PSTPIP1: variants seen among roughly 807,000 people sequenced by gnomAD.
The protein encoded by PSTPIP1 is proline-serine-threonine phosphatase-interacting protein 1.
A neutral mutation model predicts 69.6 loss-of-function variants in PSTPIP1; 66 were observed. That is an observed-to-expected ratio of 0.95 (90% CI 0.78 to 1.16). The LOEUF (loss-of-function observed/expected upper bound fraction) is 1.16. Ranked by LOEUF, PSTPIP1 falls within the 50% of genes most tolerant of loss-of-function variation. The pLI is 0.00. For synonymous variants in PSTPIP1, 266 were observed against 222.7 expected, an observed-to-expected ratio of 1.19 and a Z score of -1.73; for missense variants, 603 against 557.4, an observed-to-expected ratio of 1.08 and a Z score of -0.82.
At chr15:77,031,095 C>G in intron 9 of PSTPIP1, 85 bp from the exon 10 acceptor site, 4 of 1,346,630 alleles carry the variant, frequency 3.0e-6, no homozygotes, top group Non-Finnish European at 4.2e-6. Context: ...GCCTGGTCAG[C>G]TCCGGCTGAG....
intron 11 of PSTPIP1, 62 bp downstream of exon 11, chr15:77,032,456 C>T: frequency 6.4e-7 from 1 of 1,553,748 alleles, no homozygotes; most frequent in Non-Finnish European, 8.8e-7. Flanking sequence ...GAAGGCCCGG[C>T]CCTGAGCCTC....
At chr15:77,002,789 A>G (rs895363804) in intron 1 of PSTPIP1, among the ~76,000 whole-genome samples, 3 of 152,200 alleles carry the variant, frequency 2.0e-5, no homozygotes, top group Admixed American at 6.5e-5. Context: ...CTGCTTCTTG[A>G]TGACCCACTT....
chr15:77,014,331 G>C (rs1463469872), intron 1 of PSTPIP1, among the ~76,000 whole-genome samples: 2 of 152,126 alleles, frequency 1.3e-5, no homozygotes, highest in Non-Finnish European at 2.9e-5. Flanking sequence ...TCACCTCTAG[G>C]CGGTGAGAAC....
chr15:77,033,326 G>C (rs1380057017), intron 12 of PSTPIP1, among the ~76,000 whole-genome samples: 2 of 152,210 alleles, frequency 1.3e-5, no homozygotes, highest in East Asian at 1.9e-4. Context: ...GAATTCTCCA[G>C]GCTTTTCCAG....
At chr15:77,028,097 C>A (rs895046255) in intron 6 of PSTPIP1, among the ~76,000 whole-genome samples, 183 bp downstream of exon 6, 1 of 152,066 alleles carries the variant, frequency 6.6e-6, no homozygotes, top group African/African-American at 2.4e-5. Flanking sequence ...GGCGCTATGG[C>A]CCCGTGGGGA....
intron 12 of PSTPIP1, among the ~76,000 whole-genome samples, chr15:77,034,836 CTGTTT>C (rs1001707912): frequency 2.0e-5 from 3 of 152,260 alleles, no homozygotes; most frequent in African/African-American, 4.8e-5. Flanking sequence ...TCTGCCTCTT[CTGTTT>C]TATTTTCCTT....
At chr15:77,013,319 C>A (rs181573901) in intron 1 of PSTPIP1, among the ~76,000 whole-genome samples, 2 of 152,282 alleles carry the variant, frequency 1.3e-5, no homozygotes, top group Non-Finnish European at 2.9e-5. Context: ...CACTGGAAGC[C>A]TCTGATGGGG....
chr15:77,001,104 AT>A (rs989880324), intron 1 of PSTPIP1, among the ~76,000 whole-genome samples: 1 of 151,784 alleles, frequency 6.6e-6, no homozygotes, highest in Non-Finnish European at 1.5e-5. Context: ...CCATGCTGTG[AT>A]TTTTTTTGCC....
At chr15:76,995,672 A>G (rs2152658939) in intron 1 of PSTPIP1, 63 bp downstream of exon 1, 1 of 1,610,620 alleles carries the variant, frequency 6.2e-7, no homozygotes, top group Non-Finnish European at 8.5e-7. Context: ...TGAAATCTCC[A>G]TGCAGGTGAT....
intron 10 of PSTPIP1, among the ~76,000 whole-genome samples, chr15:77,032,000 G>A (rs746961231): frequency 6.6e-5 from 10 of 152,196 alleles, no homozygotes; most frequent in East Asian, 5.8e-4. Context: ...CTGCATTCTC[G>A]CTGTGACCTT....
intron 1 of PSTPIP1, among the ~76,000 whole-genome samples, chr15:77,007,118 T>C (rs1438965028): frequency 6.6e-6 from 1 of 152,090 alleles, no homozygotes; most frequent in African/African-American, 2.4e-5. Flanking sequence ...CTCCCTGCGA[T>C]TGCTCTGCCT....
intron 3 of PSTPIP1, chr15:77,024,566 TA>T (rs2076231472): frequency 6.6e-6 from 1 of 152,160 alleles, no homozygotes; most frequent in African/African-American, 2.4e-5. Flanking sequence ...ACAAATACTT[TA>T]AAAATAAAAG....
In PSTPIP1 at chr15:77,006,277, A is replaced by C. The variant is rs532782867; in HGVS notation, c.36+10668A>C. ...CCATTTGTGTACCTTCTTTGGAGAA[A>C]GTCTATTTAAGACCTTTGCCCACTT... On this transcript the variant is annotated intron_variant, in intron 1 of 14. Transcript: ENST00000558012. Among the ~76,000 whole-genome samples the C allele has an allele frequency of 1.1e-4, 17 of 152,268 alleles. 1 individual carries two copies. In the South Asian group the frequency reaches 3.5e-3, roughly 32 times the overall value.
At chr15:77,014,082 C>T (rs1301028680) in intron 1 of PSTPIP1, among the ~76,000 whole-genome samples, 1 of 152,082 alleles carries the variant, frequency 6.6e-6, no homozygotes, top group African/African-American at 2.4e-5. Context: ...GAGTGTGGGG[C>T]TTTGCAGAGA....
chr15:77,036,852 A>G (rs534195842), intron 14 of PSTPIP1, among the ~76,000 whole-genome samples, 193 bp from the exon 15 acceptor site: 3 of 152,236 alleles, frequency 2.0e-5, no homozygotes, highest in South Asian at 4.2e-4. Flanking sequence ...GGGGAGAACT[A>G]TGATGACAAA....
intron 1 of PSTPIP1, among the ~76,000 whole-genome samples, chr15:77,010,238 T>C (rs2152671973): frequency 6.6e-6 from 1 of 152,322 alleles, no homozygotes; most frequent in Middle Eastern, 3.4e-3. Context: ...CCTGGACAAG[T>C]CACTGTTATC....
intron 5 of PSTPIP1, 36 bp downstream of exon 5, chr15:77,025,640 C>T (rs760098436): frequency 1.3e-6 from 2 of 1,502,482 alleles, no homozygotes; most frequent in East Asian, 5.0e-5. Flanking sequence ...AGCTGCTCCC[C>T]CATTGCCAGC....
chr15:76,997,429 TC>T (rs1232873683), intron 1 of PSTPIP1, among the ~76,000 whole-genome samples: 1 of 150,998 alleles, frequency 6.6e-6, no homozygotes, highest in African/African-American at 2.5e-5. Flanking sequence ...GCTCAGCCCA[TC>T]CCAGTGCATA....
At chr15:77,015,804 GTCAGGCACT>G in intron 1 of PSTPIP1, 1 of 406,344 alleles carries the variant, frequency 2.5e-6, no homozygotes, top group South Asian at 1.8e-5. Flanking sequence ...CCCCTGGAGA[GTCAGGCACT>G]TCCTCGGAAC....
Sources: gnomAD v4.1 joint callset for allele counts (sites outside exome capture counted in the v4.1 genomes callset) on GRCh38, gnomAD v4.1.1 for gene constraint, MANE v1.5 for transcripts, NCBI Gene and HGNC (gene_info 2026-07-23, HGNC 2026-07-21) for gene names.